Variants in PCSK5 observed in about 807,000 individuals in gnomAD.
PCSK5 encodes prohormone convertase 5.
PCSK5 carries 129 observed loss-of-function variants against 233.2 expected under a neutral mutation model. The ratio of observed to expected loss-of-function variants is 0.55; its 90% CI spans 0.48 to 0.64. PCSK5 has a LOEUF of 0.64. PCSK5 is among the 30% of genes least tolerant of loss of function. The pLI is 0.00. For synonymous variants in PCSK5, 825 were observed against 879.2 expected (o/e 0.94, Z 1.09); for missense variants, 2,076 against 2,430.1 (o/e 0.85, Z 3.06).
chr9:75,918,983 A>G (rs528149577), intron 1 of PCSK5, among the ~76,000 whole-genome samples: 1 of 152,344 alleles, frequency 6.6e-6, no homozygotes, highest in East Asian at 1.9e-4. Context: ...TTATTGAGGT[A>G]TCATTTGCAT....
intron 7 of PCSK5, among the ~76,000 whole-genome samples, chr9:76,073,610 A>T (rs1830548403): frequency 6.6e-6 from 1 of 152,194 alleles, no homozygotes; most frequent in African/African-American, 2.4e-5. Context: ...CACTGTTCAT[A>T]TTTAATCATA....
intron 3 of PCSK5, among the ~76,000 whole-genome samples, chr9:76,009,998 G>GT (rs1427524601): frequency 6.6e-6 from 1 of 150,610 alleles, no homozygotes; most frequent in African/African-American, 2.5e-5. Context: ...AGGTATACCA[G>GT]TGACCCAGTT....
intron 8 of PCSK5, among the ~76,000 whole-genome samples, chr9:76,103,638 CA>C (rs1361612571): frequency 6.6e-6 from 1 of 152,168 alleles, no homozygotes; most frequent in African/African-American, 2.4e-5. Context: ...CGCTTGTCAT[CA>C]AAGGATGATG....
At chr9:75,901,136 AT>A (rs1378900410) in intron 1 of PCSK5, among the ~76,000 whole-genome samples, 1 of 152,182 alleles carries the variant, frequency 6.6e-6, no homozygotes, top group Non-Finnish European at 1.5e-5. Flanking sequence ...ACTTAAAAGG[AT>A]TATAAATCAT....
At chr9:76,325,027 C>G (rs765949839) in intron 32 of PCSK5, among the ~76,000 whole-genome samples, 2 of 152,150 alleles carry the variant, frequency 1.3e-5, no homozygotes, top group South Asian at 2.1e-4. Context: ...TCTGCTCCAG[C>G]CTTGTGCTGT....
chr9:75,992,804 G>A (rs975388188), intron 3 of PCSK5, among the ~76,000 whole-genome samples: 2 of 152,108 alleles, frequency 1.3e-5, no homozygotes. Context: ...CATTTTTGAT[G>A]CACTACCTCG....
chr9:75,908,901 A>ATCTATCTATCTATCTG (rs1822545492), intron 1 of PCSK5, among the ~76,000 whole-genome samples: 1 of 128,916 alleles, frequency 7.8e-6, no homozygotes, highest in South Asian at 2.5e-4. Flanking sequence ...CTATCTATCT[A>ATCTATCTATCTATCTG]TCTATCTATC....
intron 20 of PCSK5, among the ~76,000 whole-genome samples, chr9:76,219,374 A>G (rs1825647944): frequency 6.6e-6 from 1 of 152,204 alleles, no homozygotes; most frequent in African/African-American, 2.4e-5. Context: ...AAAGCAAGTT[A>G]TGAAAGCCAT....
intron 2 of PCSK5, among the ~76,000 whole-genome samples, chr9:75,967,068 A>AC (rs1440284570): frequency 1.7e-5 from 1 of 60,578 alleles, no homozygotes; most frequent in Non-Finnish European, 4.1e-5. Context: ...TAACATTTCC[A>AC]CCCCTTTTTT....
intron 5 of PCSK5, among the ~76,000 whole-genome samples, chr9:76,066,853 T>C (rs991745809): frequency 6.6e-6 from 1 of 152,208 alleles, no homozygotes; most frequent in Non-Finnish European, 1.5e-5. Context: ...TTTGGGGGCT[T>C]GAGTTTTAGT....
At position 76,318,554 on chromosome 9, in the gene PCSK5, T is replaced by C. The variant is rs892587962; in HGVS notation, c.3885-2868T>C. ...ATTTGAGAGGATTGGGGTTGTATAT[T>C]TTACTGTGTTCCCCCACCAGTGAGT... On this transcript the variant is annotated intron_variant, in intron 30 of 37. Transcript: ENST00000674117. 3.9e-5 allele frequency among the ~76,000 whole-genome samples: 6 copies of C among 152,192 alleles called. 1 individual carries two copies. Among genetic ancestry groups the C allele is most frequent in the South Asian group, 2.1e-4 (1 of 4,828 alleles).
chr9:76,094,903 C>A (rs1286956005), intron 7 of PCSK5, among the ~76,000 whole-genome samples: 1 of 152,198 alleles, frequency 6.6e-6, no homozygotes, highest in Non-Finnish European at 1.5e-5. Context: ...AGCCACTATG[C>A]CTAACCAAGA....
rs770196584 is a variant in PCSK5 at position 76,296,884 on chromosome 9, A to C, written c.3523+19A>C. The C allele has an allele frequency of 6.4e-7, 1 of 1,564,924 alleles. No individual in the cohort carries two copies. Among genetic ancestry groups the C allele is most frequent in the East Asian group, 2.2e-5 (1 of 44,484 alleles). ...TGGAATGGTATGTGCCCCCCAAAAA[A>C]GAGGTCACAGGGGTCTAGCGACCTA... On this transcript the variant is annotated intron_variant, in intron 27 of 37. Coordinates refer to ENST00000674117, the MANE Select transcript of PCSK5 (RefSeq NM_001372043.1).
Position 75,964,730 on chromosome 9 carries a change from A to G in PCSK5, c.298-21402A>G, listed in dbSNP as rs570979387. Among the ~76,000 whole-genome samples, 3 of 152,336 alleles carry G rather than the reference A, an allele frequency of 2.0e-5. No individual in the cohort carries two copies. In the East Asian group the frequency reaches 5.8e-4, roughly 29 times the overall value. On this transcript the variant is annotated intron_variant, in intron 2 of 37. Transcript: ENST00000674117. Reference sequence around the variant, plus strand: ...GTTTGATGAATGCCTTTGTTAATTCATGGTCCATTTCAACTTCATGTATTA... The same window carrying G: ...GTTTGATGAATGCCTTTGTTAATTCGTGGTCCATTTCAACTTCATGTATTA...
intron 20 of PCSK5, among the ~76,000 whole-genome samples, chr9:76,220,701 A>C (rs1346635961): frequency 6.6e-6 from 1 of 152,098 alleles, no homozygotes; most frequent in Non-Finnish European, 1.5e-5. Flanking sequence ...AAATATGTAT[A>C]CATTATGGAA....
At chr9:76,003,402 AT>A (rs927734428) in intron 3 of PCSK5, among the ~76,000 whole-genome samples, 3 of 151,720 alleles carry the variant, frequency 2.0e-5, no homozygotes, top group African/African-American at 4.8e-5. Context: ...AGTGTCTGTG[AT>A]TTTTTTTTCC....
At chr9:76,032,508 T>G (rs1415513764) in intron 5 of PCSK5, among the ~76,000 whole-genome samples, 1 of 152,164 alleles carries the variant, frequency 6.6e-6, no homozygotes, top group East Asian at 1.9e-4. Flanking sequence ...AAATCACCTC[T>G]GAAGTACAAA....
intron 36 of PCSK5, among the ~76,000 whole-genome samples, chr9:76,353,415 A>C (rs1222665978): frequency 2.0e-5 from 3 of 152,220 alleles, no homozygotes; most frequent in Non-Finnish European, 2.9e-5. Flanking sequence ...ACAGAGGCCA[A>C]GCAGGTCACT....
At chr9:76,221,190 G>T (rs1018256812) in intron 20 of PCSK5, among the ~76,000 whole-genome samples, 2 of 152,088 alleles carry the variant, frequency 1.3e-5, no homozygotes, top group African/African-American at 4.8e-5. Context: ...AAATTTGGAG[G>T]GTATAATCAA....
Sources: allele counts gnomAD v4.1 joint callset (sites outside exome capture counted in the v4.1 genomes callset), GRCh38; gene constraint gnomAD v4.1.1; transcripts MANE v1.5; gene names NCBI Gene and HGNC (gene_info 2026-07-23, HGNC 2026-07-21).